PLXNA1: variants seen among roughly 807,000 people sequenced by gnomAD.
PLXNA1 encodes the protein plexin A1.
PLXNA1 carries 77 observed loss-of-function variants against 191.7 expected under a neutral mutation model. The observed-to-expected ratio is 0.40, with a 90% CI of 0.33 to 0.49. The LOEUF is 0.49. Ranked by LOEUF, PLXNA1 falls within the 20% of genes least tolerant of loss-of-function variation. The pLI is 0.63. For synonymous variants in PLXNA1, 1,137 were observed against 1,156.4 expected, an observed-to-expected ratio of 0.98 and a Z score of 0.34; for missense variants, 2,110 against 2,660.2, an observed-to-expected ratio of 0.79 and a Z score of 4.55.
In PLXNA1 at chr3:127,028,354, G is replaced by A; in HGVS notation, c.4669+14G>A. The A allele has an allele frequency of 6.2e-7, 1 of 1,604,526 alleles. No homozygotes were observed. Among genetic ancestry groups the A allele is most frequent in the Non-Finnish European group, 8.5e-7 (1 of 1,177,312 alleles). On this transcript the variant is annotated intron_variant, in intron 25 of 31. Coordinates refer to ENST00000393409, the MANE Select transcript of PLXNA1 (RefSeq NM_032242.4). ...ACATGGACCTGGGTGAGCGGGCGGG[G>A]CCACGGCTGCCCGGGGTGTGTGCTG...
chr3:127,014,634 G>C lies in PLXNA1; in HGVS notation c.2756+5G>C. 1 of 1,612,884 alleles carries C rather than the reference G, an allele frequency of 6.2e-7. No individual in the cohort carries two copies. Among genetic ancestry groups the C allele is most frequent in the Non-Finnish European group, 8.5e-7 (1 of 1,179,698 alleles). On this transcript the variant is annotated splice_donor_5th_base_variant and intron_variant, in intron 13 of 31. Transcript: ENST00000393409. ...CGAGTACATCAGTGCGGAGCAGTGA[G>C]TGCAGCCCTGGGTGTGTGCGGGGCG...
chr3:127,029,510 C>T lies in PLXNA1; in HGVS notation c.4844C>T (p.Thr1615Ile). 1 of 1,613,968 alleles carries T rather than the reference C, an allele frequency of 6.2e-7. No individual in the cohort carries two copies. The highest frequency in any genetic ancestry group is 8.5e-7 in the Non-Finnish European group (1 of 1,179,962). ...GCCTACAACATCTCCAACTCCTCCA[C>T]CTTCACCAAGTCCCTCAGCAGATAC... ...TSAYNISNSS[T>I]FTKSLSRYES... Residue 1615 changes from threonine (T) to isoleucine (I), a missense_variant, in exon 27 of 32, where the codon ACC becomes ATC. By Grantham distance (89) the Thr-to-Ile change is moderately conservative (BLOSUM62 -1). Around this residue, in one of 4 missense-constraint regions of PLXNA1, gnomAD observed 559 missense variants for 911.5 expected, o/e 0.61. Coordinates refer to ENST00000393409, the MANE Select transcript of PLXNA1 (RefSeq NM_032242.4).
Position 127,020,182 on chromosome 3 carries a change from G to A in PLXNA1, c.3896-20G>A, listed in dbSNP as rs1451978831. On this transcript the variant is annotated intron_variant, in intron 20 of 31. Coordinates refer to ENST00000393409, the MANE Select transcript of PLXNA1 (RefSeq NM_032242.4). ...GGGGCCACCAGGGCATGCTGCCCCT[G>A]ACGCCGCATCTGGCCACAGCCTTTG... is the stretch of plus-strand genomic sequence containing the variant. 1.2e-6 allele frequency: 2 copies of A among 1,610,752 alleles called. No individual in the cohort carries two copies. Among genetic ancestry groups the A allele is most frequent in the Non-Finnish European group, 8.5e-7 (1 of 1,179,026 alleles).
At chr3:127,019,849 C>G (rs903037008) in intron 20 of PLXNA1, among the ~76,000 whole-genome samples, 4 of 152,188 alleles carry the variant, frequency 2.6e-5, no homozygotes, top group Non-Finnish European at 5.9e-5. Context: ...GACCTCACCC[C>G]TGGCCGCACT....
intron 23 of PLXNA1, among the ~76,000 whole-genome samples, chr3:127,024,472 G>T (rs1241473006): frequency 6.6e-6 from 1 of 152,116 alleles, no homozygotes; most frequent in Non-Finnish European, 1.5e-5. Context: ...GCCAGTCTTG[G>T]CCAAGGGAGC....
At chr3:126,987,994 AG>A (rs1329623072) in intron 1 of PLXNA1, among the ~76,000 whole-genome samples, 1 of 152,088 alleles carries the variant, frequency 6.6e-6, no homozygotes, top group African/African-American at 2.4e-5. Context: ...GGGGAGAGGC[AG>A]GGCTGTGGAG....
chr3:127,027,645 G>A, intron 23 of PLXNA1: 2 of 551,710 alleles, frequency 3.6e-6, no homozygotes, highest in Non-Finnish European at 6.9e-6. Context: ...CCTCCCTGAT[G>A]CAGGTCCCGC....
chr3:127,021,756 A>T (rs1310326311), intron 21 of PLXNA1, among the ~76,000 whole-genome samples: 1 of 152,180 alleles, frequency 6.6e-6, no homozygotes, highest in African/African-American at 2.4e-5. Context: ...AGCCCCTCTC[A>T]TTCTGCACCC....
intron 14 of PLXNA1, 52 bp downstream of exon 14, chr3:127,014,883 G>T: frequency 6.3e-7 from 1 of 1,583,048 alleles, no homozygotes; most frequent in Non-Finnish European, 8.6e-7. Context: ...CTGAGAGGGT[G>T]CCGCTCAGGG....
Position 127,014,109 on chromosome 3 carries a change from C to T in PLXNA1, c.2403C>T (p.Asn801=), listed in dbSNP as rs372223958. Reference sequence around the variant, plus strand: ...ACTTTGTCATTGACAACCCACAGAACATCCAGGGTGAGTGGGCGCCCCGGC... The same window carrying T: ...ACTTTGTCATTGACAACCCACAGAATATCCAGGGTGAGTGGGCGCCCCGGC... ...NGNFVIDNPQ[N]IQAHLYKCPA... is the part of the protein sequence containing the mutation. The change falls in exon 11 of 32, where the codon AAC becomes AAT. Residue 801 remains asparagine (N), a synonymous_variant. Transcript: ENST00000393409. 4.3e-6 allele frequency: 7 copies of T among 1,613,694 alleles called. No individual in the cohort carries two copies. Among genetic ancestry groups the T allele is most frequent in the South Asian group, 1.1e-5 (1 of 91,088 alleles).
intron 20 of PLXNA1, 97 bp downstream of exon 20, chr3:127,018,625 T>A: frequency 1.1e-6 from 1 of 905,900 alleles, no homozygotes; most frequent in South Asian, 1.6e-5. Context: ...CCCACCCTGC[T>A]TCAGCTCAGT....
Position 127,020,191 on chromosome 3 carries a change from T to G in PLXNA1, c.3896-11T>G. On this transcript the variant is annotated splice_polypyrimidine_tract_variant and intron_variant, in intron 20 of 31. Transcript: ENST00000393409. ...AGGGCATGCTGCCCCTGACGCCGCA[T>G]CTGGCCACAGCCTTTGCAGAGCTGC... The G allele has an allele frequency of 1.2e-6, 2 of 1,612,160 alleles. No individual in the cohort carries two copies. The highest frequency in any genetic ancestry group is 1.7e-6 in the Non-Finnish European group (2 of 1,179,670).
chr3:127,034,071 C>A lies in PLXNA1; in HGVS notation c.*54C>A, dbSNP rs1576695324. Reference sequence around the variant, plus strand: ...CAGCGTGAGGACAGCTGAGCAGGGACCGGGACAGCCCTCACCGCATGCGTG... The same window carrying A: ...CAGCGTGAGGACAGCTGAGCAGGGAACGGGACAGCCCTCACCGCATGCGTG... On this transcript the variant is annotated 3_prime_UTR_variant, in exon 32 of 32. Coordinates refer to ENST00000393409, the MANE Select transcript of PLXNA1 (RefSeq NM_032242.4). 6.8e-7 allele frequency: 1 copy of A among 1,463,386 alleles called. No homozygotes were observed. Among genetic ancestry groups the A allele is most frequent in the South Asian group, 1.2e-5 (1 of 80,182 alleles). 90.7% of individuals were successfully genotyped at this position (1,463,386 alleles called of 1,614,324 possible).
At chr3:127,018,098 C>G (rs1354975580) in intron 19 of PLXNA1, among the ~76,000 whole-genome samples, 196 bp from the exon 20 acceptor site, 1 of 152,118 alleles carries the variant, frequency 6.6e-6, no homozygotes, top group East Asian at 1.9e-4. Flanking sequence ...TGAGCCCTTG[C>G]CATGCCAGTG....
At chr3:126,991,737 C>A (rs1350358618) in intron 3 of PLXNA1, among the ~76,000 whole-genome samples, 171 bp downstream of exon 3, 9 of 152,166 alleles carry the variant, frequency 5.9e-5, no homozygotes, top group Non-Finnish European at 1.5e-5. Flanking sequence ...TTGAAGGGCC[C>A]CACTCCCCTC....
intron 1 of PLXNA1, among the ~76,000 whole-genome samples, chr3:126,983,908 G>C (rs954902157): frequency 5.3e-5 from 8 of 152,160 alleles, no homozygotes; most frequent in African/African-American, 1.9e-4. Flanking sequence ...AAGTTGGAGC[G>C]GCTTCCCGAC....
intron 9 of PLXNA1, among the ~76,000 whole-genome samples, chr3:127,011,675 C>G (rs1461557656): frequency 6.6e-6 from 1 of 152,214 alleles, no homozygotes; most frequent in Admixed American, 6.5e-5. Context: ...CCTCTGGGGC[C>G]TTTTCAGCTG....
intron 3 of PLXNA1, among the ~76,000 whole-genome samples, chr3:126,993,777 G>A (rs2079002531): frequency 6.6e-6 from 1 of 152,214 alleles, no homozygotes; most frequent in African/African-American, 2.4e-5. Flanking sequence ...GGCAAGGCAC[G>A]CCTCTGCTTT....
Position 127,014,513 on chromosome 3 carries a change from G to A in PLXNA1, c.2640G>A (p.Thr880=), listed in dbSNP as rs373034872. The change falls in exon 13 of 32, where the codon ACG becomes ACA. Residue 880 remains threonine, a synonymous_variant. Coordinates refer to ENST00000393409, the MANE Select transcript of PLXNA1 (RefSeq NM_032242.4). ...AGACGGGCCCGAGGCAGGGCGGCAC[G>A]CGGCTCACTATCACAGGCGAGAACC... is the stretch of plus-strand genomic sequence containing the variant. ...SPETGPRQGG[T]RLTITGENLG... 1.5e-4 allele frequency: 239 copies of A among 1,607,598 alleles called. 2 individuals are homozygous for A. The highest frequency in any genetic ancestry group is 1.7e-4 in the Non-Finnish European group (206 of 1,179,784).
Sources: allele counts gnomAD v4.1 joint callset (sites outside exome capture counted in the v4.1 genomes callset), GRCh38; gene constraint gnomAD v4.1.1; regional missense constraint gnomAD v4.1.1; transcripts MANE v1.5; gene names NCBI Gene and HGNC (gene_info 2026-07-23, HGNC 2026-07-21).